FSHR: variants seen among roughly 807,000 people sequenced by gnomAD.
FSHR encodes the protein follicle-stimulating hormone receptor.
In FSHR, 46 loss-of-function variants were observed where a neutral mutation model predicts 52.1. The ratio of observed to expected loss-of-function variants is 0.88; its 90% CI spans 0.70 to 1.13. The LOEUF is 1.13. Among genes scored for constraint, FSHR ranks in the 50% most tolerant of loss-of-function variants. FSHR has a pLI of 0.00. For missense variants in FSHR, 964 were observed against 834.6 expected (o/e 1.16, Z -1.91); for synonymous variants, 399 against 309.6 (o/e 1.29, Z -3.03).
chr2:49,140,647 C>A (rs1015035829), intron 1 of FSHR, among the ~76,000 whole-genome samples: 2 of 151,614 alleles, frequency 1.3e-5, no homozygotes, highest in Non-Finnish European at 2.9e-5. Context: ...TTGCAGTGAG[C>A]TGAGATTGCA....
At chr2:49,081,472 T>C (rs565020997) in intron 1 of FSHR, among the ~76,000 whole-genome samples, 16 of 152,328 alleles carry the variant, frequency 1.1e-4, no homozygotes, top group African/African-American at 3.8e-4. Context: ...ATAATTAATT[T>C]TCAAGATTGA....
At chr2:48,979,710 A>G (rs1420798814) in intron 8 of FSHR, among the ~76,000 whole-genome samples, 1 of 152,008 alleles carries the variant, frequency 6.6e-6, no homozygotes, top group Non-Finnish European at 1.5e-5. Flanking sequence ...TTTTGTTGCA[A>G]ATGCATTACC....
chr2:48,993,881 C>T (rs1316389563), intron 4 of FSHR, among the ~76,000 whole-genome samples: 2 of 152,190 alleles, frequency 1.3e-5, no homozygotes, highest in Non-Finnish European at 2.9e-5. Flanking sequence ...CATGTCATTT[C>T]TTCAAAAAGG....
chr2:49,065,336 T>G (rs2104335182), intron 2 of FSHR, among the ~76,000 whole-genome samples: 1 of 152,118 alleles, frequency 6.6e-6, no homozygotes, highest in African/African-American at 2.4e-5. Context: ...TACAGTAGGT[T>G]ATGTAAGTGA....
intron 2 of FSHR, among the ~76,000 whole-genome samples, chr2:49,046,066 C>T (rs964312195): frequency 6.6e-6 from 1 of 152,094 alleles, no homozygotes; most frequent in Non-Finnish European, 1.5e-5. Context: ...GGCCAGTTAC[C>T]AAATTTTTCT....
intron 3 of FSHR, 142 bp downstream of exon 3, chr2:49,019,943 CT>C: frequency 2.5e-6 from 2 of 814,616 alleles, no homozygotes; most frequent in Non-Finnish European, 4.4e-6. Flanking sequence ...ATTACAGTGC[CT>C]TTTAGGCTGA....
At chr2:49,151,486 G>T (rs1448155510) in intron 1 of FSHR, among the ~76,000 whole-genome samples, 1 of 152,098 alleles carries the variant, frequency 6.6e-6, no homozygotes, top group Non-Finnish European at 1.5e-5. Context: ...AGCATGTGCA[G>T]ATCATAGGAA....
At chr2:49,049,778 C>A (rs1218580999) in intron 2 of FSHR, among the ~76,000 whole-genome samples, 2 of 150,834 alleles carry the variant, frequency 1.3e-5, no homozygotes, top group African/African-American at 2.5e-5. Context: ...AATTACAGAT[C>A]TCAAGAACTC....
intron 1 of FSHR, among the ~76,000 whole-genome samples, chr2:49,107,093 C>A (rs1671248871): frequency 1.3e-5 from 2 of 152,284 alleles, no homozygotes; most frequent in African/African-American, 4.8e-5. Flanking sequence ...GAATAAAATT[C>A]AAACTCCTCG....
intron 1 of FSHR, among the ~76,000 whole-genome samples, chr2:49,092,599 C>A (rs1225715720): frequency 6.6e-6 from 1 of 151,926 alleles, no homozygotes; most frequent in Non-Finnish European, 1.5e-5. Flanking sequence ...AATCTTTTTT[C>A]TTTAGTCTTT....
chr2:49,151,725 C>T (rs894489307), intron 1 of FSHR, among the ~76,000 whole-genome samples: 10 of 152,048 alleles, frequency 6.6e-5, no homozygotes, highest in Non-Finnish European at 1.2e-4. Context: ...AAAGTTAATA[C>T]GCAAACTTGG....
intron 2 of FSHR, among the ~76,000 whole-genome samples, chr2:49,055,094 T>G (rs1273129688): frequency 1.3e-5 from 2 of 151,542 alleles, no homozygotes; most frequent in Non-Finnish European, 2.9e-5. Context: ...TTAAGGAAAC[T>G]CAGTGAGATA....
intron 2 of FSHR, among the ~76,000 whole-genome samples, chr2:49,038,495 A>G (rs893697919): frequency 1.4e-4 from 21 of 151,562 alleles, no homozygotes; most frequent in East Asian, 5.8e-4. Context: ...CGTGGTGGGG[A>G]GCACCTGTAG....
chr2:49,086,022 G>C (rs1670375378), intron 1 of FSHR, among the ~76,000 whole-genome samples: 1 of 152,062 alleles, frequency 6.6e-6, no homozygotes, highest in Admixed American at 6.6e-5. Flanking sequence ...TAAATGACGA[G>C]TTAATGGGTG....
Position 49,055,547 on chromosome 2 carries a change from A to C in FSHR, c.224+12672T>G, listed in dbSNP as rs1342407574. On this transcript the variant is annotated intron_variant, in intron 2 of 9. Transcript: ENST00000406846. ...CAGGAAGCTCAAAAAAAAAAAAAAA[A>C]AAAAAAAAAAAAAAAACCCAAATAG... Among the ~76,000 whole-genome samples the C allele has an allele frequency of 2.0e-5, 3 of 147,786 alleles. No homozygotes were observed. The South Asian group carries it at 6.3e-4, about 31-fold the overall frequency.
chr2:49,112,472 G>A (rs1026422981), intron 1 of FSHR, among the ~76,000 whole-genome samples: 1 of 152,136 alleles, frequency 6.6e-6, no homozygotes, highest in African/African-American at 2.4e-5. Context: ...TATTGAAGCT[G>A]GGTCTTAGGT....
chr2:49,004,726 A>T (rs1269875321), intron 4 of FSHR, among the ~76,000 whole-genome samples: 1 of 152,134 alleles, frequency 6.6e-6, no homozygotes, highest in Non-Finnish European at 1.5e-5. Flanking sequence ...ATAAGAAAAA[A>T]ATCAGAGCTA....
intron 1 of FSHR, among the ~76,000 whole-genome samples, chr2:49,101,935 C>T (rs920624294): frequency 6.6e-6 from 1 of 152,062 alleles, no homozygotes; most frequent in African/African-American, 2.4e-5. Context: ...TCCTCTTCTT[C>T]TAAAGTCATC....
intron 8 of FSHR, among the ~76,000 whole-genome samples, chr2:48,980,512 C>T (rs771445957): frequency 1.6e-4 from 24 of 152,260 alleles, no homozygotes; most frequent in Non-Finnish European, 2.6e-4. Flanking sequence ...GCAGTATCTT[C>T]GCCTGGAATC....
Sources: allele counts gnomAD v4.1 joint callset (sites outside exome capture counted in the v4.1 genomes callset), GRCh38; gene constraint gnomAD v4.1.1; transcripts MANE v1.5; gene names NCBI Gene and HGNC (gene_info 2026-07-23, HGNC 2026-07-21).